Variants in CRACD observed in about 807,000 individuals in gnomAD.
CRACD encodes capping protein inhibiting regulator of actin dynamics.
CRACD carries 56 observed loss-of-function variants against 106.8 expected under a neutral mutation model. The ratio of observed to expected loss-of-function variants is 0.52; its 90% CI spans 0.42 to 0.66. The LOEUF is 0.66. CRACD is among the 30% of genes least tolerant of loss of function. The pLI, the probability that CRACD is intolerant of heterozygous loss-of-function variation, is 0.00. For missense variants in CRACD, 1,730 were observed against 1,623.2 expected (o/e 1.07, Z -1.13); for synonymous variants, 754 against 670.8 (o/e 1.12, Z -1.92).
chr4:56,175,250 C>T (rs1018208311), intron 1 of CRACD, among the ~76,000 whole-genome samples: 1 of 152,194 alleles, frequency 6.6e-6, no homozygotes, highest in Non-Finnish European at 1.5e-5. Context: ...AACCTCCATA[C>T]TGTTGTCCAT....
In CRACD at chr4:56,314,126, C is replaced by T. The variant is rs779019969; in HGVS notation, c.624C>T (p.His208=). 1.9e-6 allele frequency: 3 copies of T among 1,613,972 alleles called. No individual in the cohort carries two copies. The highest frequency in any genetic ancestry group is 2.2e-5 in the South Asian group (2 of 91,074). The change falls in exon 8 of 11, where the codon CAC becomes CAT. Residue 208 remains histidine, a synonymous_variant. Transcript: ENST00000682029. This position sits in a 1 kb window ranked among gnomAD's most constrained non-coding sequence, Gnocchi z 4.4. ...GHPGEDKPTW[H]EEEPNPLDSE... ...CAGGCGAGGACAAGCCAACGTGGCA[C>T]GAAGAGGAACCCAATCCGCTGGATT...
intron 2 of CRACD, among the ~76,000 whole-genome samples, chr4:56,181,711 G>A (rs763049606): frequency 2.0e-5 from 3 of 152,128 alleles, no homozygotes; most frequent in African/African-American, 4.8e-5. Flanking sequence ...AATCCTCGGC[G>A]TTCCTGGGCT....
At chr4:56,062,854 C>T (rs557420897) in intron 1 of CRACD, among the ~76,000 whole-genome samples, 1 of 152,328 alleles carries the variant, frequency 6.6e-6, no homozygotes, top group South Asian at 2.1e-4. Context: ...GTTCTTTCTT[C>T]ATTTTCCCTT....
intron 2 of CRACD, among the ~76,000 whole-genome samples, chr4:56,224,647 C>T (rs1006717264): frequency 1.1e-4 from 16 of 152,200 alleles, no homozygotes; most frequent in African/African-American, 3.9e-4. Context: ...AATGCTTACA[C>T]ATGGCGGGTG....
At chr4:56,272,661 C>T (rs985212004) in intron 3 of CRACD, among the ~76,000 whole-genome samples, 169 bp downstream of exon 3, 86 of 152,090 alleles carry the variant, frequency 5.7e-4, no homozygotes, top group Non-Finnish European at 4.4e-4. Flanking sequence ...GAGGCCGAGG[C>T]GGGCAGATCA....
chr4:56,287,096 A>T (rs532215902), intron 3 of CRACD, among the ~76,000 whole-genome samples: 2 of 152,284 alleles, frequency 1.3e-5, no homozygotes, highest in South Asian at 2.1e-4. Context: ...AGTGAGCCTG[A>T]CAGTACTATG....
chr4:56,112,530 G>C (rs992565050), intron 1 of CRACD, among the ~76,000 whole-genome samples: 3 of 152,018 alleles, frequency 2.0e-5, no homozygotes, highest in Non-Finnish European at 4.4e-5. Flanking sequence ...TGGCTAGTTG[G>C]GGGGACCTCT....
Position 56,315,908 on chromosome 4 carries a change from C to G in CRACD, c.2406C>G (p.Ser802Arg), listed in dbSNP as rs1406595028. ...ACCTCCCGTCTTTCCTTGTCCCAAG[C>G]CTTCCTTACCCTCCGCAGAAAGTGG... ...AKDLPSFLVPSLPYPPQKVVA... is the reference protein window; with the variant it reads ...AKDLPSFLVPRLPYPPQKVVA... The change falls in exon 8 of 11, where the codon AGC (serine) becomes AGG (arginine). Residue 802 changes from serine to arginine, a missense_variant. Ser to Arg is a moderately radical substitution (Grantham distance 110, BLOSUM62 -1). Coordinates refer to ENST00000682029, the MANE Select transcript of CRACD (RefSeq NM_001393381.1). The surrounding 1 kb of genome is among the most constrained non-coding windows in gnomAD (Gnocchi z 4.1). 4.3e-6 allele frequency: 7 copies of G among 1,614,096 alleles called. No individual in the cohort carries two copies. The highest frequency in any genetic ancestry group is 5.9e-6 in the Non-Finnish European group (7 of 1,180,058).
chr4:56,270,802 C>T (rs557188039), intron 2 of CRACD, among the ~76,000 whole-genome samples: 16 of 152,152 alleles, frequency 1.1e-4, no homozygotes, highest in African/African-American at 3.9e-4. Flanking sequence ...TGTTTTTAGG[C>T]CAGGCCCAGT....
At chr4:56,064,931 C>G (rs528488273) in intron 1 of CRACD, among the ~76,000 whole-genome samples, 15 of 152,198 alleles carry the variant, frequency 9.9e-5, no homozygotes, top group African/African-American at 3.4e-4. Context: ...AGTGATTCTT[C>G]CCCCTCGAAG....
chr4:56,326,346 GAA>G (rs1356993423), intron 10 of CRACD, among the ~76,000 whole-genome samples: 1 of 152,152 alleles, frequency 6.6e-6, no homozygotes, highest in East Asian at 1.9e-4. Flanking sequence ...GAAAGAGTGA[GAA>G]AAAGAGAGAG....
At chr4:56,141,867 A>G (rs1336660736) in intron 1 of CRACD, among the ~76,000 whole-genome samples, 2 of 151,450 alleles carry the variant, frequency 1.3e-5, no homozygotes, top group African/African-American at 4.9e-5. Flanking sequence ...TAGTTTAAAA[A>G]AAAATTATAG....
intron 3 of CRACD, among the ~76,000 whole-genome samples, chr4:56,290,053 T>C (rs1404656047): frequency 6.6e-6 from 1 of 152,228 alleles, no homozygotes; most frequent in Non-Finnish European, 1.5e-5. Flanking sequence ...TACAGTACAC[T>C]GCCTTTTGCT....
At chr4:56,163,324 A>G (rs4865059) in intron 1 of CRACD, among the ~76,000 whole-genome samples, 9,888 of 152,264 alleles carry the variant, frequency 0.065, 710 homozygotes, top group East Asian at 0.4. Context: ...ATATTGATAC[A>G]TAATATTTTT....
At chr4:56,165,784 A>T (rs1736118312) in intron 1 of CRACD, among the ~76,000 whole-genome samples, 1 of 152,262 alleles carries the variant, frequency 6.6e-6, no homozygotes, top group Admixed American at 6.5e-5. Flanking sequence ...GAAATTAAAA[A>T]ATAATATTTT....
chr4:56,284,124 C>A (rs1743191569), intron 3 of CRACD, among the ~76,000 whole-genome samples: 1 of 151,816 alleles, frequency 6.6e-6, no homozygotes, highest in South Asian at 2.1e-4. Flanking sequence ...CCTGGTAAAC[C>A]AACTCACCCT....
At chr4:56,320,866 A>C (rs535623481) in intron 8 of CRACD, 119 of 168,314 alleles carry the variant, frequency 7.1e-4, no homozygotes, top group Admixed American at 1.2e-3. Flanking sequence ...TCATGATCCC[A>C]AAGCAACCTC....
intron 1 of CRACD, among the ~76,000 whole-genome samples, chr4:56,104,247 A>G (rs1249116022): frequency 6.6e-6 from 1 of 152,110 alleles, no homozygotes; most frequent in African/African-American, 2.4e-5. Context: ...AAATAAAAAA[A>G]TTAACTGGAC....
chr4:56,160,558 A>G (rs1735917039), intron 1 of CRACD, among the ~76,000 whole-genome samples: 1 of 152,214 alleles, frequency 6.6e-6, no homozygotes, highest in Non-Finnish European at 1.5e-5. Context: ...CTGCCTGCAG[A>G]AGACAGATGC....
Sources: gnomAD v4.1 joint callset for allele counts (sites outside exome capture counted in the v4.1 genomes callset) on GRCh38, gnomAD v4.1.1 for gene constraint, Gnocchi (gnomAD v3.1) non-coding constraint, MANE v1.5 for transcripts, NCBI Gene and HGNC (gene_info 2026-07-23, HGNC 2026-07-21) for gene names.